Variants in SASH1 observed in about 807,000 individuals in gnomAD.
The protein encoded by SASH1 is SAM and SH3 domain containing 1, also known as SAM and SH3 domain-containing protein 1.
SASH1 carries 44 observed loss-of-function variants against 125.2 expected under a neutral mutation model. The ratio of observed to expected loss-of-function variants is 0.35; its 90% CI spans 0.28 to 0.45. The LOEUF (loss-of-function observed/expected upper bound fraction) is 0.45, where lower values mean the gene tolerates loss of function less well. Ranked by LOEUF, SASH1 falls within the 20% of genes least tolerant of loss-of-function variation. The pLI, the probability that SASH1 is intolerant of heterozygous loss-of-function variation, is 1.00. For synonymous variants in SASH1, 639 were observed against 649.1 expected (o/e 0.98, Z 0.24); for missense variants, 1,426 against 1,614.5 (o/e 0.88, Z 2.00).
intron 1 of SASH1, among the ~76,000 whole-genome samples, chr6:148,379,214 C>A (rs1783033767): frequency 6.6e-6 from 1 of 152,188 alleles, no homozygotes. Context: ...ACCTGGGTTT[C>A]TTCCTGTCTC....
intron 1 of SASH1, among the ~76,000 whole-genome samples, chr6:148,307,159 T>C (rs1378186074): frequency 1.3e-5 from 2 of 151,492 alleles, no homozygotes; most frequent in Non-Finnish European, 2.9e-5. Flanking sequence ...CGCTCTGTCA[T>C]CCAGGCTGGA....
In SASH1 at chr6:148,307,378, A is replaced by C. The variant is rs577347699; in HGVS notation, n.74+35001A>C. Among the ~76,000 whole-genome samples, 14 of 152,086 alleles carry C rather than the reference A, an allele frequency of 9.2e-5. 1 individual carries two copies. The South Asian group carries it at 2.5e-3, about 27-fold the overall frequency. On this transcript the variant is annotated intron_variant and non_coding_transcript_variant, in intron 1 of 3. Coordinates refer to the SASH1 transcript ENST00000367469. ...TGATCTGCCTGCCTCGGCCTCCCAAAGTGCTGGAATTACAGACATGAGCCA... is the reference window on the plus strand; with the variant it reads ...TGATCTGCCTGCCTCGGCCTCCCAACGTGCTGGAATTACAGACATGAGCCA...
At chr6:148,240,833 A>T in the SASH1 span, among the ~76,000 whole-genome samples, 4 of 152,246 alleles carry the variant, frequency 2.6e-5, no homozygotes, top group African/African-American at 9.6e-5. Context: ...TTAAAGAAAG[A>T]GAAAAGGCAT....
chr6:148,524,121 A>ATATATATATATTTTTTT (rs1193506716), intron 10 of SASH1, among the ~76,000 whole-genome samples: 4 of 128,598 alleles, frequency 3.1e-5, no homozygotes, highest in Admixed American at 7.9e-5. Flanking sequence ...ATATATATAT[A>ATATATATATATTTTTTT]TTTTTTTTAA....
chr6:148,495,459 A>T lies in SASH1; in HGVS notation c.729+7744A>T, dbSNP rs558656870. 4.2e-4 allele frequency among the ~76,000 whole-genome samples: 64 copies of T among 152,162 alleles called. No homozygotes were observed. The highest frequency in any genetic ancestry group is 1.4e-3 in the African/African-American group (59 of 41,512). Reference sequence around the variant, plus strand: ...TTTATTTTGAATTTTATTTTATTTTATTTTTTACTAGAGTAACTTTTAGAC... The same window carrying T: ...TTTATTTTGAATTTTATTTTATTTTTTTTTTTACTAGAGTAACTTTTAGAC... On this transcript the variant is annotated intron_variant, in intron 8 of 19. Coordinates refer to ENST00000367467, the MANE Select transcript of SASH1 (RefSeq NM_015278.5). The surrounding 1 kb of genome is among the most constrained non-coding windows in gnomAD (Gnocchi z 4.0).
chr6:148,233,922 A>G, the SASH1 span, among the ~76,000 whole-genome samples: 2 of 151,850 alleles, frequency 1.3e-5, no homozygotes, highest in Non-Finnish European at 2.9e-5. Flanking sequence ...CCAAAAAAAA[A>G]AAACTAAATG....
chr6:148,270,111 T>C (rs1471615487), upstream of SASH1, among the ~76,000 whole-genome samples: 1 of 152,224 alleles, frequency 6.6e-6, no homozygotes, highest in Non-Finnish European at 1.5e-5. Flanking sequence ...TTTTGGTTGC[T>C]GGGACAGCAA....
chr6:148,340,280 C>G (rs565679959), upstream of SASH1, among the ~76,000 whole-genome samples: 1 of 151,784 alleles, frequency 6.6e-6, no homozygotes, highest in East Asian at 1.9e-4. Flanking sequence ...GTCAGGAGTT[C>G]GAGACCAGCC....
the SASH1 span, among the ~76,000 whole-genome samples, chr6:148,216,684 C>G: frequency 3.9e-5 from 6 of 152,068 alleles, no homozygotes; most frequent in African/African-American, 1.4e-4. Flanking sequence ...AGTGCTGAAG[C>G]CAGCCTCTCT....
rs867061655 is a variant in SASH1 at position 148,366,217 on chromosome 6, G to A, written c.156+22994G>A. 7.9e-5 allele frequency among the ~76,000 whole-genome samples: 12 copies of A among 152,114 alleles called. No homozygotes were observed. In the East Asian group the frequency reaches 1.4e-3, roughly 17 times the overall value. ...GAAGATTGCTTGAGCCTGGGACATT[G>A]TGGCTGCAGTGAGCTGTGTTCGCGC... On this transcript the variant is annotated intron_variant, in intron 1 of 19. Coordinates refer to ENST00000367467, the MANE Select transcript of SASH1 (RefSeq NM_015278.5).
chr6:148,548,404 C>A lies in SASH1; in HGVS notation c.3590C>A (p.Thr1197Asn), dbSNP rs781490115. 13 of 1,614,218 alleles carry A rather than the reference C, an allele frequency of 8.1e-6. No individual in the cohort carries two copies. The East Asian group carries it at 2.7e-4, about 33-fold the overall frequency. The change falls in exon 20 of 20, where the codon ACC becomes AAC. Residue 1197 changes from threonine (T) to asparagine (N), a missense_variant. Thr to Asn is a moderately conservative substitution (Grantham distance 65). Transcript: ENST00000367467. ...ISIGLPMYAG[T>N]LSTAGFSTLS... ...ATCGGTCTGCCCATGTACGCCGGCA[C>A]CCTCTCCACCGCGGGCTTCAGCACA...
At chr6:148,415,449 A>G (rs1385022864) in intron 2 of SASH1, among the ~76,000 whole-genome samples, 1 of 152,220 alleles carries the variant, frequency 6.6e-6, no homozygotes, top group African/African-American at 2.4e-5. Context: ...TGATAAAGCA[A>G]TACTTAATAT....
intron 7 of SASH1, among the ~76,000 whole-genome samples, chr6:148,486,598 C>A (rs903207967): frequency 6.6e-6 from 1 of 151,484 alleles, no homozygotes; most frequent in South Asian, 2.1e-4. Flanking sequence ...CCATTTTGAA[C>A]AAGACAAACA....
chr6:148,193,850 T>TAAC, the SASH1 span, among the ~76,000 whole-genome samples: 1 of 152,254 alleles, frequency 6.6e-6, no homozygotes, highest in Non-Finnish European at 1.5e-5. Context: ...TGAAGAATAC[T>TAAC]AACAGCTATG....
Position 148,312,371 on chromosome 6 carries a change from G to A in SASH1, n.74+39994G>A, listed in dbSNP as rs1301907011. On this transcript the variant is annotated intron_variant and non_coding_transcript_variant, in intron 1 of 3. Coordinates refer to the SASH1 transcript ENST00000367469. ...AAAAACCATGAAGGTGGTCAGGCGTGGTGGCTCATGCCTGTAATCTCAGTG... is the reference window on the plus strand; with the variant it reads ...AAAAACCATGAAGGTGGTCAGGCGTAGTGGCTCATGCCTGTAATCTCAGTG... 2.0e-5 allele frequency among the ~76,000 whole-genome samples: 3 copies of A among 152,188 alleles called. No homozygotes were observed. The East Asian group carries it at 5.8e-4, about 29-fold the overall frequency.
intron 1 of SASH1, among the ~76,000 whole-genome samples, chr6:148,293,752 G>C (rs1310195092): frequency 6.6e-6 from 1 of 152,174 alleles, no homozygotes; most frequent in Non-Finnish European, 1.5e-5. Context: ...ATTAGCTAGA[G>C]CTTTCCCCAA....
At chr6:148,393,209 G>A (rs1783803491) in intron 2 of SASH1, among the ~76,000 whole-genome samples, 2 of 134,838 alleles carry the variant, frequency 1.5e-5, no homozygotes, top group Non-Finnish European at 3.1e-5. Context: ...ACCATGCCCG[G>A]CTAATTTTGT....
chr6:148,247,605 T>G, the SASH1 span, among the ~76,000 whole-genome samples: 4 of 152,204 alleles, frequency 2.6e-5, no homozygotes, highest in Admixed American at 2.6e-4. Context: ...GGAATGCAGT[T>G]GTGGTCATAT....
At chr6:148,540,668 T>C (rs891340480) in intron 17 of SASH1, 112 bp downstream of exon 17, 1 of 791,670 alleles carries the variant, frequency 1.3e-6, no homozygotes, top group African/African-American at 1.7e-5. Flanking sequence ...AATCATCGTT[T>C]CCTTTCTCAC....
Sources: allele counts gnomAD v4.1 joint callset (sites outside exome capture counted in the v4.1 genomes callset), GRCh38; gene constraint gnomAD v4.1.1; non-coding constraint Gnocchi (gnomAD v3.1); transcripts MANE v1.5; gene names NCBI Gene and HGNC (gene_info 2026-07-23, HGNC 2026-07-21).